The following SYNE2 variants were observed in gnomAD, a reference collection of about 807,000 sequenced individuals.
SYNE2 encodes spectrin repeat containing nuclear envelope protein 2.
In SYNE2, 431 loss-of-function variants were observed where a neutral mutation model predicts 856.3. The observed-to-expected ratio is 0.50, with a 90% CI of 0.47 to 0.55. SYNE2 has a LOEUF of 0.55. Ranked by LOEUF, SYNE2 falls within the 20% of genes least tolerant of loss-of-function variation. The pLI, the probability that SYNE2 is intolerant of heterozygous loss-of-function variation, is 0.00. For missense variants in SYNE2, 8,129 were observed against 8,023.2 expected, an observed-to-expected ratio of 1.01 and a Z score of -0.50; for synonymous variants, 2,923 against 2,872.3, an observed-to-expected ratio of 1.02 and a Z score of -0.56.
chr14:64,208,129 A>G (rs1192482067), intron 100 of SYNE2: 3 of 456,100 alleles, frequency 6.6e-6, no homozygotes, highest in Non-Finnish European at 1.3e-5. Context: ...ACAAGACTCC[A>G]GAGACCCCAC....
intron 1 of SYNE2, among the ~76,000 whole-genome samples, chr14:63,833,839 T>G (rs1418033117): frequency 6.6e-6 from 1 of 151,794 alleles, no homozygotes; most frequent in East Asian, 1.9e-4. Flanking sequence ...TTTTTTAACC[T>G]AGTCCTAATC....
intron 8 of SYNE2, chr14:63,960,621 C>A: frequency 1.8e-6 from 1 of 543,882 alleles, no homozygotes; most frequent in Non-Finnish European, 3.3e-6. Flanking sequence ...TTTTTTTTTC[C>A]AATAATCTTC....
At chr14:64,079,341 CCTT>C (rs1186900999) in intron 55 of SYNE2, among the ~76,000 whole-genome samples, 1 of 152,148 alleles carries the variant, frequency 6.6e-6, no homozygotes, top group Admixed American at 6.5e-5. Flanking sequence ...ACACTATTCT[CCTT>C]CTTAATTCGC....
At chr14:63,861,677 C>G (rs890730960) in intron 1 of SYNE2, among the ~76,000 whole-genome samples, 2 of 151,638 alleles carry the variant, frequency 1.3e-5, no homozygotes, top group African/African-American at 2.4e-5. Context: ...GTCCCAGGTA[C>G]TAGGGAGGCT....
chr14:64,099,121 C>T, intron 63 of SYNE2: 1 of 391,596 alleles, frequency 2.6e-6, no homozygotes, highest in Non-Finnish European at 4.8e-6. Context: ...TGAGAGCATG[C>T]TGTTTGGCAC....
At chr14:64,215,441 C>T in intron 107 of SYNE2, 87 bp downstream of exon 107, 1 of 1,323,236 alleles carries the variant, frequency 7.6e-7, no homozygotes, top group Admixed American at 1.7e-5. Flanking sequence ...TCGTGTCTAC[C>T]TCTGCCTTCT....
chr14:64,031,127 G>A lies in SYNE2; in HGVS notation c.6991G>A (p.Asp2331Asn). 6.2e-7 allele frequency: 1 copy of A among 1,614,062 alleles called. No homozygotes were observed. The highest frequency in any genetic ancestry group is 1.1e-5 in the South Asian group (1 of 91,040). The change falls in exon 45 of 116, where the codon GAT (aspartate) becomes AAT (asparagine). Residue 2331 changes from aspartate (D) to asparagine (N), a missense_variant. Physicochemically the swap from Asp to Asn is conservative, Grantham distance 23. Coordinates refer to ENST00000555002, the MANE Select transcript of SYNE2 (RefSeq NM_182914.3). ...SSVGQKIIKD[D>N]IKSLQCKQKD... is the part of the protein sequence containing the mutation. The stretch of plus-strand genomic sequence containing the variant: ...AGTGGGGCAGAAGATTATTAAAGAT[G>A]ATATAAAATCACTTCAGTGTAAACA...
intron 114 of SYNE2, 144 bp downstream of exon 114, chr14:64,224,691 G>A (rs1245174959): frequency 2.2e-6 from 2 of 916,464 alleles, no homozygotes; most frequent in African/African-American, 3.3e-5. Flanking sequence ...CTTACAGTCT[G>A]CCTCTAGTCA....
chr14:63,844,064 A>G (rs1475936933), intron 1 of SYNE2, among the ~76,000 whole-genome samples: 1 of 152,198 alleles, frequency 6.6e-6, no homozygotes, highest in Non-Finnish European at 1.5e-5. Context: ...ATTAGGGATT[A>G]CTCTTCTTGT....
chr14:63,990,263 G>A, intron 19 of SYNE2, 148 bp from the exon 20 acceptor site: 1 of 663,878 alleles, frequency 1.5e-6, no homozygotes, highest in Non-Finnish European at 2.6e-6. Context: ...ATTTCAAAAT[G>A]ACTCCTTAAA....
chr14:63,980,931 G>A, intron 15 of SYNE2, 55 bp from the exon 16 acceptor site: 1 of 1,228,188 alleles, frequency 8.1e-7, no homozygotes, highest in Admixed American at 1.9e-5. Context: ...TTTTTAAATA[G>A]TATTAATAAA....
At chr14:63,950,600 G>A (rs2153431513) in intron 7 of SYNE2, among the ~76,000 whole-genome samples, 1 of 152,224 alleles carries the variant, frequency 6.6e-6, no homozygotes, top group Non-Finnish European at 1.5e-5. Context: ...ATATGTATAT[G>A]AGTATATTAA....
chr14:63,962,617 C>G lies in SYNE2; in HGVS notation c.888+992C>G, dbSNP rs190127395. 1.8e-4 allele frequency among the ~76,000 whole-genome samples: 27 copies of G among 152,242 alleles called. No individual in the cohort carries two copies. In the East Asian group the frequency reaches 5.2e-3, roughly 29 times the overall value. On this transcript the variant is annotated intron_variant, in intron 9 of 115. Coordinates refer to ENST00000555002, the MANE Select transcript of SYNE2 (RefSeq NM_182914.3). The stretch of plus-strand genomic sequence containing the variant: ...TATTTGTTGATATACTCTTGAATTA[C>G]TATTTTCTCTGCCTCACAGGCTTAA...
At chr14:63,980,768 GTCAC>G in intron 15 of SYNE2, 36 bp downstream of exon 15, 1 of 1,383,938 alleles carries the variant, frequency 7.2e-7, no homozygotes. Context: ...TGGAATGACT[GTCAC>G]TTAACAGTGA....
In SYNE2 at chr14:64,143,895, C is replaced by T. The variant is rs1407451595; in HGVS notation, c.15430C>T (p.Leu5144=). The change falls in exon 83 of 116, where the codon CTG becomes TTG. Residue 5144 remains leucine (L), a synonymous_variant. Coordinates refer to ENST00000555002, the MANE Select transcript of SYNE2 (RefSeq NM_182914.3). ...RYERTEFAEH[L]GEMNRQWHRV... is the part of the protein sequence containing the mutation. Reference sequence around the variant, plus strand: ...TGAAAGAACGGAGTTTGCAGAGCACCTGGGGGAGATGAACCGCCAGTGGCA... The same window carrying T: ...TGAAAGAACGGAGTTTGCAGAGCACTTGGGGGAGATGAACCGCCAGTGGCA... The T allele has an allele frequency of 4.3e-6, 7 of 1,614,046 alleles. No individual in the cohort carries two copies. Among genetic ancestry groups the T allele is most frequent in the Non-Finnish European group, 8.5e-7 (1 of 1,180,034 alleles).
intron 106 of SYNE2, among the ~76,000 whole-genome samples, chr14:64,214,788 G>A (rs1330306451): frequency 6.6e-6 from 1 of 152,170 alleles, no homozygotes; most frequent in Non-Finnish European, 1.5e-5. Context: ...CACCCAGGCT[G>A]AGGTGCAGTG....
intron 2 of SYNE2, among the ~76,000 whole-genome samples, chr14:63,935,060 T>C (rs879795784): frequency 7.9e-5 from 12 of 152,144 alleles, no homozygotes; most frequent in East Asian, 1.9e-4. Flanking sequence ...TTAAAAGTTA[T>C]TCTCTTCTCA....
intron 48 of SYNE2, among the ~76,000 whole-genome samples, chr14:64,055,517 C>A (rs11626548): frequency 6.6e-6 from 1 of 151,610 alleles, no homozygotes; most frequent in Non-Finnish European, 1.5e-5. Flanking sequence ...TACAGGCGCG[C>A]GCCACCACAC....
Position 64,022,766 on chromosome 14 carries a change from T to A in SYNE2, c.5540T>A (p.Phe1847Tyr). ...CCCCCTGCAGATCAATGCAAGAACT[T>A]TAATGACTGGTTCAGCAACATTAAA... ...SKLLNDQCKNFNDWFSNIKVN... is the reference protein window; with the variant it reads ...SKLLNDQCKNYNDWFSNIKVN... Residue 1847 changes from phenylalanine (F) to tyrosine (Y), a missense_variant, in exon 38 of 116, where the codon TTT becomes TAT. Around this residue, in one of 3 missense-constraint regions of SYNE2, gnomAD observed 2,422 missense variants for 2,357.4 expected, o/e 1.03. Transcript: ENST00000555002. The A allele has an allele frequency of 6.2e-7, 1 of 1,601,278 alleles. No homozygotes were observed. The highest frequency in any genetic ancestry group is 8.6e-7 in the Non-Finnish European group (1 of 1,169,282).
Sources: allele counts gnomAD v4.1 joint callset (sites outside exome capture counted in the v4.1 genomes callset), GRCh38; gene constraint gnomAD v4.1.1; regional missense constraint gnomAD v4.1.1; transcripts MANE v1.5; gene names NCBI Gene and HGNC (gene_info 2026-07-23, HGNC 2026-07-21).